Variants in PMAIP1 observed in about 807,000 individuals in gnomAD.
PMAIP1 encodes the protein PMA-induced protein 1.
PMAIP1 carries 3 observed loss-of-function variants against 3.7 expected under a neutral mutation model. The ratio of observed to expected loss-of-function variants is 0.82; its 90% CI spans 0.37 to 2.12. The LOEUF is 2.12. Ranked by LOEUF, PMAIP1 falls within the 30% of genes most tolerant of loss-of-function variation. The pLI is 0.06. For missense variants in PMAIP1, 77 were observed against 67.1 expected (o/e 1.15, Z -0.52); for synonymous variants, 29 against 26.2 (o/e 1.11, Z -0.32).
Position 59,900,224 on chromosome 18 carries a change from G to A in PMAIP1, c.47G>A (p.Arg16Gln), listed in dbSNP as rs1439469695. Reference protein sequence around the residue: ...ARKNAQPSPARAPAELEVECA... With the variant: ...ARKNAQPSPAQAPAELEVECA... ...AAGAACGCTCAACCGAGCCCCGCGC[G>A]GGCTCCAGCAGGTACCGACCCGCTG... The change falls in exon 1 of 2, where the codon CGG becomes CAG. Residue 16 changes from arginine to glutamine, a missense_variant. Arg to Gln is a conservative substitution (Grantham distance 43, BLOSUM62 1). Coordinates refer to ENST00000316660, the MANE Select transcript of PMAIP1 (RefSeq NM_021127.3). 1.3e-6 allele frequency: 2 copies of A among 1,551,340 alleles called. No individual in the cohort carries two copies. The highest frequency in any genetic ancestry group is 2.0e-5 in the Admixed American group (1 of 51,244).
At chr18:59,900,469 T>G in intron 1 of PMAIP1, 1 of 1,548,882 alleles carries the variant, frequency 6.5e-7, no homozygotes, top group South Asian at 1.2e-5. Context: ...CCAAGCCGGA[T>G]TTGCGATTGG....
chr18:59,902,800 C>A lies in PMAIP1; in HGVS notation c.*47C>A. On this transcript the variant is annotated 3_prime_UTR_variant, in exon 2 of 2. Transcript: ENST00000316660. ...GGGGACTCCTTCAAAAGAGTTTTCTCAGGAGGTGCACGTTTCATCAATTTG... is the reference window on the plus strand; with the variant it reads ...GGGGACTCCTTCAAAAGAGTTTTCTAAGGAGGTGCACGTTTCATCAATTTG... 1.2e-6 allele frequency: 2 copies of A among 1,613,780 alleles called. No individual in the cohort carries two copies. The highest frequency in any genetic ancestry group is 1.7e-6 in the Non-Finnish European group (2 of 1,179,808).
rs895899122 is a variant in PMAIP1 at position 59,900,798 on chromosome 18, G to C, written c.58+563G>C. On this transcript the variant is annotated intron_variant, in intron 1 of 1. Coordinates refer to ENST00000316660, the MANE Select transcript of PMAIP1 (RefSeq NM_021127.3). ...GCTCCTTTTTTTCATTCATTCATTC[G>C]CACTCCCCACCCCGATACATACAGC... is the stretch of plus-strand genomic sequence containing the variant. 1.5e-5 allele frequency: 8 copies of C among 546,978 alleles called. No homozygotes were observed. In the East Asian group the frequency reaches 2.5e-4, roughly 17 times the overall value. 33.9% of individuals were successfully genotyped at this position (546,978 alleles called of 1,614,324 possible). A position where few individuals can be genotyped will look rare whatever the true frequency, so the allele number is the denominator to read the frequency against.
At chr18:59,902,404 G>A (rs974300010) in intron 1 of PMAIP1, among the ~76,000 whole-genome samples, 9 of 152,206 alleles carry the variant, frequency 5.9e-5, no homozygotes, top group African/African-American at 2.2e-4. Flanking sequence ...CATCCAGGAT[G>A]CGTTTTTTAA....
intron 1 of PMAIP1, 54 bp from the exon 2 acceptor site, chr18:59,902,593 T>A: frequency 6.8e-7 from 1 of 1,473,372 alleles, no homozygotes; most frequent in Non-Finnish European, 9.5e-7. Flanking sequence ...GTTTTGCTGG[T>A]TACAGTCTGT....
chr18:59,900,699 G>C (rs2055759260), intron 1 of PMAIP1: 3 of 1,026,138 alleles, frequency 2.9e-6, no homozygotes, highest in Non-Finnish European at 4.2e-6. Context: ...CTGTGTTCAG[G>C]AGCCTAGAAA....
chr18:59,903,411 C>CAA lies in PMAIP1; in HGVS notation c.*658_*659insAA, dbSNP rs1402381245. The CAA allele has an allele frequency of 2.0e-5, 3 of 152,900 alleles. No individual in the cohort carries two copies. The highest frequency in any genetic ancestry group is 7.2e-5 in the African/African-American group (3 of 41,382). The allele number at this position is 152,900 out of a possible 1,614,324, so 9.5% of individuals were successfully genotyped here. ...GGGCGTTACTAGAAACTATGGAAAACTGGAAAATAACTTTGAAAAAATTGG... is the reference window on the plus strand; with the variant it reads ...GGGCGTTACTAGAAACTATGGAAAACAATGGAAAATAACTTTGAAAAAATTGG... On this transcript the variant is annotated 3_prime_UTR_variant, in exon 2 of 2. Transcript: ENST00000316660.
chr18:59,900,744 G>C (rs746253055), intron 1 of PMAIP1: 131 of 698,388 alleles, frequency 1.9e-4, no homozygotes, highest in Non-Finnish European at 2.8e-4. Context: ...TATTGTGGGA[G>C]GTGGGGATAG....
Position 59,903,074 on chromosome 18 carries a change from AAGATT to A in PMAIP1, c.*323_*327del. The stretch of plus-strand genomic sequence containing the variant: ...GAGAATCGTTCTAGTGTTTTTGCCG[AAGATT>A]ACCGCTGGCCTACTGTGAAGGGAGA... On this transcript the variant is annotated 3_prime_UTR_variant, in exon 2 of 2. Transcript: ENST00000316660. 1 of 572,520 alleles carries A rather than the reference AAGATT, an allele frequency of 1.7e-6. No individual in the cohort carries two copies. The highest frequency in any genetic ancestry group is 3.1e-6 in the Non-Finnish European group (1 of 322,330). 35.5% of individuals were successfully genotyped at this position (572,520 alleles called of 1,614,324 possible). A position where few individuals can be genotyped will look rare whatever the true frequency, so the allele number is the denominator to read the frequency against.
intron 1 of PMAIP1, 60 bp downstream of exon 1, chr18:59,900,295 G>C: frequency 6.6e-7 from 1 of 1,524,300 alleles, no homozygotes; most frequent in Non-Finnish European, 8.8e-7. Flanking sequence ...CCGGGGTCGA[G>C]GTCTCGGCTG....
At position 59,902,638 on chromosome 18, in the gene PMAIP1, C is replaced by T; in HGVS notation, c.59-9C>T. 6.2e-7 allele frequency: 1 copy of T among 1,613,164 alleles called. No individual in the cohort carries two copies. The highest frequency in any genetic ancestry group is 8.5e-7 in the Non-Finnish European group (1 of 1,179,134). Reference sequence around the variant, plus strand: ...AATGTTCATGTCCATGTTTTGCTTTCCTTCTCAGAGCTGGAAGTCGAGTGT... The same window carrying T: ...AATGTTCATGTCCATGTTTTGCTTTTCTTCTCAGAGCTGGAAGTCGAGTGT... On this transcript the variant is annotated splice_polypyrimidine_tract_variant and intron_variant, in intron 1 of 1. Transcript: ENST00000316660.
rs370010327 is a variant in PMAIP1 at position 59,902,658 on chromosome 18, G to C, written c.70G>C (p.Glu24Gln). Residue 24 changes from glutamate to glutamine, a missense_variant, in exon 2 of 2, where the codon GAG becomes CAG. By Grantham distance (29) the Glu-to-Gln change is conservative. Coordinates refer to ENST00000316660, the MANE Select transcript of PMAIP1 (RefSeq NM_021127.3). ...GCTTTCCTTCTCAGAGCTGGAAGTC[G>C]AGTGTGCTACTCAACTCAGGAGATT... is the stretch of plus-strand genomic sequence containing the variant. ...PARAPAELEV[E>Q]CATQLRRFGD... is the part of the protein sequence containing the mutation. 1 of 1,614,050 alleles carries C rather than the reference G, an allele frequency of 6.2e-7. No homozygotes were observed. Among genetic ancestry groups the C allele is most frequent in the Non-Finnish European group, 8.5e-7 (1 of 1,179,928 alleles).
Position 59,903,062 on chromosome 18 carries a change from G to C in PMAIP1, c.*309G>C, listed in dbSNP as rs2055784652. On this transcript the variant is annotated 3_prime_UTR_variant, in exon 2 of 2. Transcript: ENST00000316660. Reference sequence around the variant, plus strand: ...CTTTTTTACTTAGAGAATCGTTCTAGTGTTTTTGCCGAAGATTACCGCTGG... The same window carrying C: ...CTTTTTTACTTAGAGAATCGTTCTACTGTTTTTGCCGAAGATTACCGCTGG... 1 of 584,354 alleles carries C rather than the reference G, an allele frequency of 1.7e-6. No homozygotes were observed. The highest frequency in any genetic ancestry group is 1.9e-5 in the African/African-American group (1 of 53,584). 36.2% of individuals were successfully genotyped at this position (584,354 alleles called of 1,614,324 possible).
chr18:59,902,474 T>A (rs886106506), intron 1 of PMAIP1, among the ~76,000 whole-genome samples, 173 bp from the exon 2 acceptor site: 1 of 152,230 alleles, frequency 6.6e-6, no homozygotes, highest in Non-Finnish European at 1.5e-5. Context: ...AGTCACAATG[T>A]GTGTAAGTGT....
At chr18:59,900,639 G>C (rs2055758424) in intron 1 of PMAIP1, 1 of 1,524,046 alleles carries the variant, frequency 6.6e-7, no homozygotes, top group African/African-American at 1.4e-5. Flanking sequence ...AGAGAGCCCC[G>C]GGGACCGCCT....
In PMAIP1 at chr18:59,900,091, C is replaced by T; in HGVS notation, c.-87C>T. The T allele has an allele frequency of 7.0e-7, 1 of 1,423,218 alleles. No individual in the cohort carries two copies. The highest frequency in any genetic ancestry group is 9.5e-7 in the Non-Finnish European group (1 of 1,048,382). The allele number at this position is 1,423,218 out of a possible 1,614,324, so 88.2% of individuals were successfully genotyped here. Reference sequence around the variant, plus strand: ...TGCCTGCAGGACTGTTCGTGTTCAGCTCGCGTCCTGCAGCTGTCCGAGGTG... The same window carrying T: ...TGCCTGCAGGACTGTTCGTGTTCAGTTCGCGTCCTGCAGCTGTCCGAGGTG... On this transcript the variant is annotated 5_prime_UTR_variant, in exon 1 of 2. Coordinates refer to ENST00000316660, the MANE Select transcript of PMAIP1 (RefSeq NM_021127.3).
In PMAIP1 at chr18:59,903,072, C is replaced by G. The variant is rs191277486; in HGVS notation, c.*319C>G. ...TAGAGAATCGTTCTAGTGTTTTTGC[C>G]GAAGATTACCGCTGGCCTACTGTGA... On this transcript the variant is annotated 3_prime_UTR_variant, in exon 2 of 2. Coordinates refer to ENST00000316660, the MANE Select transcript of PMAIP1 (RefSeq NM_021127.3). 1 of 569,566 alleles carries G rather than the reference C, an allele frequency of 1.8e-6. No individual in the cohort carries two copies. Among genetic ancestry groups the G allele is most frequent in the East Asian group, 2.9e-5 (1 of 34,072 alleles). The allele number at this position is 569,566 out of a possible 1,614,324, so 35.3% of individuals were successfully genotyped here.
chr18:59,900,680 C>T, intron 1 of PMAIP1: 2 of 1,243,290 alleles, frequency 1.6e-6, no homozygotes, highest in Non-Finnish European at 2.2e-6. Context: ...GACGGCCCCA[C>T]AAGGGCCCCT....
At chr18:59,902,617 T>C (rs1568085295) in intron 1 of PMAIP1, 30 bp from the exon 2 acceptor site, 2 of 1,588,328 alleles carry the variant, frequency 1.3e-6, no homozygotes, top group Non-Finnish European at 8.6e-7. Flanking sequence ...ATCATCAATG[T>C]TCATGTCCAT....
Sources: allele counts gnomAD v4.1 joint callset (sites outside exome capture counted in the v4.1 genomes callset), GRCh38; gene constraint gnomAD v4.1.1; transcripts MANE v1.5; gene names NCBI Gene and HGNC (gene_info 2026-07-23, HGNC 2026-07-21).